UPP2: variants seen among roughly 807,000 people sequenced by gnomAD.
UPP2 encodes the protein uridine phosphorylase 2.
UPP2 carries 23 observed loss-of-function variants against 26.7 expected under a neutral mutation model. The observed-to-expected ratio is 0.86, with a 90% CI of 0.62 to 1.22. UPP2 has a LOEUF of 1.22. Among genes scored for constraint, UPP2 ranks in the 50% most tolerant of loss-of-function variants. The pLI is 0.00. For missense variants in UPP2, 387 were observed against 396.7 expected, an observed-to-expected ratio of 0.98 and a Z score of 0.21; for synonymous variants, 127 against 141.3, an observed-to-expected ratio of 0.90 and a Z score of 0.72.
At chr2:158,026,149 C>T (rs547894422) in intron 3 of UPP2, among the ~76,000 whole-genome samples, 84 of 152,142 alleles carry the variant, frequency 5.5e-4, no homozygotes, top group African/African-American at 1.8e-3. Context: ...AGACCTGAGG[C>T]GGCCTGGTTT....
At chr2:158,095,125 G>A (rs541896156) in intron 3 of UPP2, among the ~76,000 whole-genome samples, 9 of 152,174 alleles carry the variant, frequency 5.9e-5, no homozygotes, top group East Asian at 1.9e-4. Context: ...AGGGTGGTGA[G>A]TTGGGCCCTG....
intron 3 of UPP2, among the ~76,000 whole-genome samples, chr2:158,096,374 G>A (rs959989149): frequency 3.3e-5 from 5 of 152,142 alleles, no homozygotes; most frequent in Admixed American, 6.5e-5. Context: ...CAAGGCAGGC[G>A]GATTACCTGA....
At chr2:158,029,062 A>G (rs1014478698) in intron 3 of UPP2, among the ~76,000 whole-genome samples, 8 of 152,244 alleles carry the variant, frequency 5.3e-5, no homozygotes, top group African/African-American at 1.2e-4. Context: ...CTCATTCCAC[A>G]TAATGCACTC....
chr2:158,105,346 G>A (rs1683169552), intron 1 of UPP2, among the ~76,000 whole-genome samples: 1 of 152,146 alleles, frequency 6.6e-6, no homozygotes, highest in Non-Finnish European at 1.5e-5. Flanking sequence ...GCCGTGATGG[G>A]GGTTTGAGCC....
intron 1 of UPP2, among the ~76,000 whole-genome samples, chr2:158,102,561 A>G (rs13023813): frequency 0.1 from 15,732 of 152,200 alleles, 1,612 homozygotes; most frequent in African/African-American, 0.26. Context: ...CATATGCTTC[A>G]TGATGGACCT....
intron 2 of UPP2, among the ~76,000 whole-genome samples, chr2:158,001,583 C>A (rs187413570): frequency 2.2e-4 from 34 of 152,206 alleles, no homozygotes; most frequent in Non-Finnish European, 2.6e-4. Flanking sequence ...ACTTGGGGCA[C>A]AGAGAAGAGT....
intron 3 of UPP2, among the ~76,000 whole-genome samples, chr2:158,024,411 C>T (rs976255580): frequency 6.6e-6 from 1 of 152,184 alleles, no homozygotes; most frequent in African/African-American, 2.4e-5. Context: ...AAAAGATAAT[C>T]TTAAGAGTCA....
intron 2 of UPP2, among the ~76,000 whole-genome samples, chr2:158,010,079 TAC>T: frequency 6.6e-6 from 1 of 152,228 alleles, no homozygotes; most frequent in East Asian, 1.9e-4. Context: ...TGAAATTGAA[TAC>T]AGAGGACATA....
At chr2:158,126,846 C>G (rs1466720392) in intron 6 of UPP2, 8 of 152,128 alleles carry the variant, frequency 5.3e-5, no homozygotes, top group African/African-American at 1.9e-4. Flanking sequence ...TCTCCCTAAC[C>G]CCCTCCCTGC....
Position 158,041,216 on chromosome 2 carries a change from G to A in UPP2, c.147+25330G>A, listed in dbSNP as rs530733025. Among the ~76,000 whole-genome samples the A allele has an allele frequency of 2.0e-5, 3 of 152,176 alleles. No homozygotes were observed. The South Asian group carries it at 6.2e-4, about 32-fold the overall frequency. ...TTTTACAATAAATGGTATTTTTAAA[G>A]TACTGATTGAATTTTATTTTTAAAA... On this transcript the variant is annotated intron_variant, in intron 3 of 9. Transcript: ENST00000605860.
chr2:158,128,144 T>G (rs1683732925), intron 6 of UPP2: 1 of 430,096 alleles, frequency 2.3e-6, no homozygotes, highest in Non-Finnish European at 3.1e-6. Context: ...AGGTTCTGCT[T>G]AAATCCTCTT....
At chr2:158,113,306 C>T (rs546754694) in intron 2 of UPP2, among the ~76,000 whole-genome samples, 11 of 152,252 alleles carry the variant, frequency 7.2e-5, no homozygotes, top group African/African-American at 2.2e-4. Flanking sequence ...TTCAAACTAC[C>T]GTACTGTGTT....
At chr2:158,013,094 C>T (rs1683606187) in intron 2 of UPP2, among the ~76,000 whole-genome samples, 1 of 152,070 alleles carries the variant, frequency 6.6e-6, no homozygotes, top group African/African-American at 2.4e-5. Context: ...TCAAGCAATC[C>T]TCCCATCTCA....
upstream of UPP2, among the ~76,000 whole-genome samples, chr2:158,100,329 C>T (rs1353446270): frequency 2.0e-5 from 3 of 152,190 alleles, no homozygotes; most frequent in Non-Finnish European, 4.4e-5. Context: ...TTGACTGAAT[C>T]TGCACCGGAA....
chr2:158,032,742 A>G (rs1458429401), intron 3 of UPP2, among the ~76,000 whole-genome samples: 1 of 152,188 alleles, frequency 6.6e-6, no homozygotes, highest in East Asian at 1.9e-4. Flanking sequence ...AGAGAGCACT[A>G]CAAAGGCTGG....
chr2:158,075,029 A>G (rs973203436), intron 3 of UPP2, among the ~76,000 whole-genome samples: 1 of 152,140 alleles, frequency 6.6e-6, no homozygotes, highest in African/African-American at 2.4e-5. Context: ...AGACACAAGG[A>G]AAGTCATTAC....
chr2:158,106,914 A>G (rs1683209025), intron 2 of UPP2, among the ~76,000 whole-genome samples: 7 of 152,242 alleles, frequency 4.6e-5, no homozygotes, highest in Admixed American at 4.6e-4. Flanking sequence ...AGACTTTAAA[A>G]TAGTTGTAAT....
chr2:158,039,186 C>G (rs1684049568), intron 3 of UPP2, among the ~76,000 whole-genome samples: 1 of 152,132 alleles, frequency 6.6e-6, no homozygotes, highest in Admixed American at 6.5e-5. Context: ...TGGGTGTACC[C>G]TAGGTCAGCT....
rs1558932117 is a variant in UPP2, at chr2:158,104,965, GGGAAGGGAAGGGAAGAGAAGGGAA to G, written c.63-1131_63-1108del. 1.1e-4 allele frequency among the ~76,000 whole-genome samples: 8 copies of G among 75,514 alleles called. No individual in the cohort carries two copies. In the East Asian group the frequency reaches 2.6e-3, roughly 24 times the overall value. The allele number at this position is 75,514 out of a possible 152,430, so 49.5% of individuals were successfully genotyped here. A position where few individuals can be genotyped will look rare whatever the true frequency, so the allele number is the denominator to read the frequency against. On this transcript the variant is annotated intron_variant, in intron 1 of 6. Transcript: ENST00000005756. ...GGGAAGGGAAGGGAAGGGAAGGGAA[GGGAAGGGAAGGGAAGAGAAGGGAA>G]GGGAAGGGAGGGGAGGGGAGGGGAG...
Sources: allele counts gnomAD v4.1 joint callset (sites outside exome capture counted in the v4.1 genomes callset), GRCh38; gene constraint gnomAD v4.1.1; transcripts MANE v1.5; gene names NCBI Gene and HGNC (gene_info 2026-07-23, HGNC 2026-07-21).